Variants in MORC4 observed in about 807,000 individuals in gnomAD.
MORC4 encodes the protein MORC family CW-type zinc finger protein 4.
A neutral mutation model predicts 65.5 loss-of-function variants in MORC4; 22 were observed. The observed-to-expected ratio is 0.34, with a 90% confidence interval of 0.24 to 0.48. The LOEUF (loss-of-function observed/expected upper bound fraction) is 0.48, where lower values mean the gene tolerates loss of function less well. MORC4 is among the 20% of genes least tolerant of loss of function. MORC4 has a pLI of 0.99. For synonymous variants in MORC4, 267 were observed against 255.8 expected, an observed-to-expected ratio of 1.04 and a Z score of -0.42; for missense variants, 624 against 703.0, an observed-to-expected ratio of 0.89 and a Z score of 1.27.
chrX:106,978,587 C>T (rs760407482), intron 7 of MORC4, among the ~76,000 whole-genome samples: 3 of 109,443 alleles, frequency 2.7e-5, no homozygotes, highest in South Asian at 3.9e-4. Flanking sequence ...TATCAGGAAA[C>T]GCTCAGATTA....
At chrX:106,943,279 A>G in intron 14 of MORC4, 74 bp from the exon 15 acceptor site, 1 of 822,602 alleles carries the variant, frequency 1.2e-6, no homozygotes. Context: ...TGGAGCCCCA[A>G]CTCAAACTTC....
At chrX:106,962,258 A>G (rs762128529) in intron 9 of MORC4, 148 bp from the exon 10 acceptor site, 1 of 447,664 alleles carries the variant, frequency 2.2e-6, no homozygotes, top group African/African-American at 2.4e-5. Flanking sequence ...CAAGATGGGA[A>G]TCCATTGCCT....
chrX:106,965,507 A>C (rs1038942772), intron 9 of MORC4, among the ~76,000 whole-genome samples: 1 of 112,266 alleles, frequency 8.9e-6, no homozygotes, highest in Non-Finnish European at 1.9e-5. Flanking sequence ...ACTTTAATGT[A>C]AATGGATTAA....
At chrX:106,943,262 G>C in intron 14 of MORC4, 57 bp from the exon 15 acceptor site, 1 of 947,831 alleles carries the variant, frequency 1.1e-6, no homozygotes, top group Non-Finnish European at 1.5e-6. Context: ...AGTATTTTCT[G>C]ATCCTATGGA....
At chrX:106,974,833 A>G (rs779535852) in intron 9 of MORC4, among the ~76,000 whole-genome samples, 6 of 111,893 alleles carry the variant, frequency 5.4e-5, no homozygotes, top group African/African-American at 1.9e-4. Context: ...TAATTTAAAT[A>G]CCTTTTCATT....
At position 106,981,447 on chromosome X, in the gene MORC4, A is replaced by G. The variant is rs1569306030; in HGVS notation, c.705T>C (p.Phe235=). Reference sequence around the variant, plus strand: ...CCAGGATGTCATATTGATCTGTATCAAAGTCCAACTCAGATTTTCCATTTT... The same window carrying G: ...CCAGGATGTCATATTGATCTGTATCGAAGTCCAACTCAGATTTTCCATTTT... The part of the protein sequence containing the change: ...RNKNGKSELD[F]DTDQYDILVS... Residue 235 remains phenylalanine, a synonymous_variant, in exon 6 of 17, where the codon TTT becomes TTC. Coordinates refer to ENST00000355610, the MANE Select transcript of MORC4 (RefSeq NM_024657.5). 4.2e-6 allele frequency: 5 copies of G among 1,196,787 alleles called. No individual in the cohort carries two copies. Among genetic ancestry groups the G allele is most frequent in the African/African-American group, 1.7e-5 (1 of 57,242 alleles).
chrX:106,965,328 T>C (rs189745748), intron 9 of MORC4, among the ~76,000 whole-genome samples: 37 of 111,568 alleles, frequency 3.3e-4, no homozygotes, highest in East Asian at 2.5e-3. Flanking sequence ...AAAATAGCTA[T>C]AGAATATACA....
At chrX:106,952,541 A>C (rs1933999912) in intron 14 of MORC4, among the ~76,000 whole-genome samples, 1 of 112,130 alleles carries the variant, frequency 8.9e-6, no homozygotes, top group African/African-American at 3.2e-5. Context: ...TATTTCCTTT[A>C]ACAGAAATAA....
Position 106,986,030 on chromosome X carries a change from T to A in MORC4, c.479A>T (p.Gln160Leu). The A allele has an allele frequency of 8.3e-7, 1 of 1,211,248 alleles. No homozygotes were observed. The highest frequency in any genetic ancestry group is 1.1e-6 in the Non-Finnish European group (1 of 894,973). ...LLSQTYLECVQAQAVIVPIVP... is the reference protein window; with the variant it reads ...LLSQTYLECVLAQAVIVPIVP... ...AATTGGTACAATAACTGCCTGGGCCTGGACACATTCCAGATAGGTCTGTGA... is the reference window on the plus strand; with the variant it reads ...AATTGGTACAATAACTGCCTGGGCCAGGACACATTCCAGATAGGTCTGTGA... The change falls in exon 4 of 17, where the codon CAG becomes CTG. Residue 160 changes from glutamine to leucine, a missense_variant. Transcript: ENST00000355610.
At chrX:106,964,014 C>T (rs992237016) in intron 9 of MORC4, among the ~76,000 whole-genome samples, 5 of 110,448 alleles carry the variant, frequency 4.5e-5, no homozygotes, top group East Asian at 5.7e-4. Context: ...CAAGACAGGG[C>T]GGCCCACTCA....
chrX:106,951,364 T>C (rs1027968039), intron 14 of MORC4, among the ~76,000 whole-genome samples: 6 of 111,928 alleles, frequency 5.4e-5, no homozygotes, highest in African/African-American at 2.0e-4. Context: ...TTCAAATGCT[T>C]ACGGTTACTT....
chrX:106,970,390 G>A (rs1046785741), intron 9 of MORC4, among the ~76,000 whole-genome samples: 2 of 111,944 alleles, frequency 1.8e-5, no homozygotes, highest in African/African-American at 6.5e-5. Flanking sequence ...GGCAAAAACT[G>A]GAAGCATTCC....
intron 11 of MORC4, among the ~76,000 whole-genome samples, chrX:106,957,386 T>G (rs1934135601): frequency 8.9e-6 from 1 of 111,764 alleles, no homozygotes; most frequent in African/African-American, 3.3e-5. Context: ...TTACACAATC[T>G]CATTTACTCT....
intron 14 of MORC4, among the ~76,000 whole-genome samples, chrX:106,948,534 G>C (rs372831303): frequency 1.8e-5 from 2 of 111,511 alleles, no homozygotes; most frequent in African/African-American, 6.5e-5. Context: ...AGCACTCTTT[G>C]CTTTTTCATG....
At chrX:106,965,310 G>A (rs1934348140) in intron 9 of MORC4, among the ~76,000 whole-genome samples, 1 of 111,437 alleles carries the variant, frequency 9.0e-6, no homozygotes, top group East Asian at 2.8e-4. Context: ...CCCATGATAA[G>A]CACAAACAAA....
chrX:106,958,210 G>A, intron 11 of MORC4, 126 bp downstream of exon 11: 1 of 581,741 alleles, frequency 1.7e-6, no homozygotes, highest in South Asian at 3.8e-5. Flanking sequence ...TAGGTAAGCT[G>A]GGGTCAGTCA....
At chrX:106,960,498 C>T (rs1934211168) in intron 10 of MORC4, among the ~76,000 whole-genome samples, 1 of 111,718 alleles carries the variant, frequency 9.0e-6, no homozygotes, top group African/African-American at 3.3e-5. Flanking sequence ...GCTTGTCTAA[C>T]CTTAGGCAAG....
At chrX:106,989,919 G>A (rs977091438) in intron 3 of MORC4, among the ~76,000 whole-genome samples, 20 of 106,898 alleles carry the variant, frequency 1.9e-4, no homozygotes, top group Non-Finnish European at 3.5e-4. Flanking sequence ...CAGGCGTGGT[G>A]GCTCATGCCT....
intron 14 of MORC4, among the ~76,000 whole-genome samples, chrX:106,948,021 G>GT (rs770924903): frequency 3.3e-4 from 37 of 110,998 alleles, no homozygotes; most frequent in Non-Finnish European, 4.5e-4. Flanking sequence ...CTGCTATTTA[G>GT]TTTTTTAATT....
Sources: gnomAD v4.1 joint callset for allele counts (sites outside exome capture counted in the v4.1 genomes callset) on GRCh38, gnomAD v4.1.1 for gene constraint, MANE v1.5 for transcripts, NCBI Gene and HGNC (gene_info 2026-07-23, HGNC 2026-07-21) for gene names.